ZNF449: variants seen among roughly 807,000 people sequenced by gnomAD.
The protein encoded by ZNF449 is zinc finger and SCAN domain-containing protein 19.
ZNF449 carries 4 observed loss-of-function variants against 32.6 expected under a neutral mutation model. The ratio of observed to expected loss-of-function variants is 0.12; its 90% CI spans 0.06 to 0.28. The LOEUF (loss-of-function observed/expected upper bound fraction) is 0.28. ZNF449 is among the 10% of genes least tolerant of loss of function. The pLI, the probability that ZNF449 is intolerant of heterozygous loss-of-function variation, is 1.00. For missense variants in ZNF449, 275 were observed against 383.2 expected, an observed-to-expected ratio of 0.72 and a Z score of 2.36; for synonymous variants, 123 against 132.2, an observed-to-expected ratio of 0.93 and a Z score of 0.48.
Position 135,360,582 on chromosome X carries a change from G to A in ZNF449, c.1063G>A (p.Glu355Lys). The change falls in exon 5 of 5, where the codon GAA becomes AAA. Residue 355 changes from glutamate to lysine, a missense_variant. By Grantham distance (56) the Glu-to-Lys change is moderately conservative. This residue lies in a region of ZNF449 where 80 missense variants were observed against 146.6 expected (regional missense o/e 0.55). Transcript: ENST00000339249. ...HSGEEPHKCP[E>K]CGKRFLRSSD... ...AGGAGAAGAACCTCACAAATGCCCT[G>A]AATGTGGGAAAAGATTCCTTCGTAG... 8.3e-7 allele frequency: 1 copy of A among 1,211,814 alleles called. No homozygotes were observed. The highest frequency in any genetic ancestry group is 1.1e-6 in the Non-Finnish European group (1 of 895,432).
Position 135,360,600 on chromosome X carries a change from C to G in ZNF449, c.1081C>G (p.Leu361Val). The change falls in exon 5 of 5, where the codon CTT (leucine) becomes GTT (valine). Residue 361 changes from leucine to valine, a missense_variant. Leu to Val is a conservative substitution (Grantham distance 32). Transcript: ENST00000339249. Reference protein sequence around the residue: ...HKCPECGKRFLRSSDLYRHQR... With the variant: ...HKCPECGKRFVRSSDLYRHQR... ...ATGCCCTGAATGTGGGAAAAGATTCCTTCGTAGTTCAGACCTTTATAGACA... is the reference window on the plus strand; with the variant it reads ...ATGCCCTGAATGTGGGAAAAGATTCGTTCGTAGTTCAGACCTTTATAGACA... The G allele has an allele frequency of 8.3e-7, 1 of 1,211,566 alleles. No homozygotes were observed. Among genetic ancestry groups the G allele is most frequent in the Non-Finnish European group, 1.1e-6 (1 of 895,363 alleles).
Position 135,361,386 on chromosome X carries a change from A to G in ZNF449, c.*310A>G, listed in dbSNP as rs58073587. ...AACATAAAGCATATAAATTATGACA[A>G]TCCTTTTAGAGGTAGGGTCAATATA... On this transcript the variant is annotated 3_prime_UTR_variant, in exon 5 of 5. Transcript: ENST00000339249. 1,325 of 187,933 alleles carry G rather than the reference A, an allele frequency of 7.1e-3. 11 individuals carry two copies. The highest frequency in any genetic ancestry group is 0.035 in the African/African-American group (1,179 of 33,365). 15.5% of individuals were successfully genotyped at this position (187,933 alleles called of 1,213,427 possible).
In ZNF449 at chrX:135,360,036, GA is replaced by G. The variant is rs782681513; in HGVS notation, c.673+40del. ...TAATTGTTCTTTGATATACTAGTGG[GA>G]AAAAAAAAGAAAAATTTAACCTAAA... On this transcript the variant is annotated intron_variant, in intron 4 of 4. Transcript: ENST00000339249. 74 of 1,061,141 alleles carry G rather than the reference GA, an allele frequency of 7.0e-5. No individual in the cohort carries two copies. The South Asian group carries it at 7.4e-4, about 11-fold the overall frequency. 87.4% of individuals were successfully genotyped at this position (1,061,141 alleles called of 1,213,427 possible). A position where few individuals can be genotyped will look rare whatever the true frequency, so the allele number is the denominator to read the frequency against.
At chrX:135,345,235 G>A (rs2084835232) in intron 1 of ZNF449, among the ~76,000 whole-genome samples, 1 of 112,931 alleles carries the variant, frequency 8.9e-6, no homozygotes, top group African/African-American at 3.2e-5. Flanking sequence ...CATGAGGGTG[G>A]ATTCCCTACG....
chrX:135,355,429 T>G (rs987680486), intron 3 of ZNF449, among the ~76,000 whole-genome samples: 2 of 110,563 alleles, frequency 1.8e-5, no homozygotes, highest in Non-Finnish European at 3.8e-5. Context: ...GTTATCCCAC[T>G]CCTGGGTTTA....
At chrX:135,354,456 G>A (rs1316862944) in intron 3 of ZNF449, among the ~76,000 whole-genome samples, 1 of 112,334 alleles carries the variant, frequency 8.9e-6, no homozygotes, top group Non-Finnish European at 1.9e-5. Flanking sequence ...GTGAAAATAA[G>A]GTTGAGAAAT....
chrX:135,348,941 T>C (rs1020313727), intron 2 of ZNF449, 169 bp from the exon 3 acceptor site: 16 of 906,582 alleles, frequency 1.8e-5, no homozygotes, highest in Non-Finnish European at 2.0e-5. Flanking sequence ...GAAATCCTGA[T>C]TGTTTGCACT....
chrX:135,359,496 C>A (rs2084933973), intron 3 of ZNF449, among the ~76,000 whole-genome samples: 1 of 111,705 alleles, frequency 9.0e-6, no homozygotes, highest in African/African-American at 3.3e-5. Flanking sequence ...AAACACTTTA[C>A]TACTTTCACC....
intron 2 of ZNF449, chrX:135,348,798 T>G: frequency 9.7e-7 from 1 of 1,032,018 alleles, no homozygotes; most frequent in Non-Finnish European, 1.3e-6. Context: ...GTACAGCTCT[T>G]GAGCCCTTGA....
At chrX:135,347,576 A>G (rs2084856318) in intron 2 of ZNF449, 104 bp downstream of exon 2, 4 of 1,170,965 alleles carry the variant, frequency 3.4e-6, no homozygotes, top group Non-Finnish European at 3.4e-6. Context: ...CAGCCTCAAG[A>G]TTTCTCCAGA....
intron 3 of ZNF449, among the ~76,000 whole-genome samples, chrX:135,357,973 T>C: frequency 8.9e-6 from 1 of 111,892 alleles, no homozygotes; most frequent in Admixed American, 9.5e-5. Context: ...TTAATTTCAT[T>C]TGTGATATGG....
intron 1 of ZNF449, 63 bp from the exon 2 acceptor site, chrX:135,346,956 G>A (rs1288081367): frequency 3.6e-5 from 14 of 393,838 alleles, no homozygotes; most frequent in African/African-American, 5.1e-5. Context: ...GAAGTTGACC[G>A]AGGTAAGTAA....
At chrX:135,355,748 G>A (rs1406672065) in intron 3 of ZNF449, among the ~76,000 whole-genome samples, 1 of 111,413 alleles carries the variant, frequency 9.0e-6, no homozygotes, top group Admixed American at 9.5e-5. Context: ...CCTTTGAAGT[G>A]TACAATTTAA....
At position 135,360,860 on chromosome X, in the gene ZNF449, G is replaced by C. The variant is rs368312163; in HGVS notation, c.1341G>C (p.Leu447=). The stretch of plus-strand genomic sequence containing the variant: ...ATTGTGGGAAAAGTTTTAGTCGACT[G>C]ACAGCTCTTACTTTGCACCAGAGAA... ...CHNCGKSFSR[L]TALTLHQRTH... is the part of the protein sequence containing the mutation. The change falls in exon 5 of 5, where the codon CTG becomes CTC. Residue 447 remains leucine (L), a synonymous_variant. Coordinates refer to ENST00000339249, the MANE Select transcript of ZNF449 (RefSeq NM_152695.6). 8.3e-7 allele frequency: 1 copy of C among 1,209,105 alleles called. No individual in the cohort carries two copies. Among genetic ancestry groups the C allele is most frequent in the Non-Finnish European group, 1.1e-6 (1 of 894,829 alleles).
chrX:135,349,461 T>C (rs782583703), intron 3 of ZNF449, 147 bp downstream of exon 3: 1 of 560,169 alleles, frequency 1.8e-6, no homozygotes, highest in African/African-American at 2.3e-5. Context: ...CTGGGAATAG[T>C]AGGGAACAAA....
Position 135,361,469 on chromosome X carries a change from G to C in ZNF449, c.*393G>C, listed in dbSNP as rs1398691718. 8.4e-6 allele frequency: 1 copy of C among 118,700 alleles called. No homozygotes were observed. Among genetic ancestry groups the C allele is most frequent in the Non-Finnish European group, 1.7e-5 (1 of 58,255 alleles). 9.8% of individuals were successfully genotyped at this position (118,700 alleles called of 1,213,427 possible). ...ATAGCAGTACTATAGTTATTCTGCT[G>C]TCATTATTAAAGATGATTATATTCA... On this transcript the variant is annotated 3_prime_UTR_variant, in exon 5 of 5. Transcript: ENST00000339249.
Position 135,350,662 on chromosome X carries a change from C to T in ZNF449, c.559+1348C>T, listed in dbSNP as rs138149802. Among the ~76,000 whole-genome samples, 222 of 112,000 alleles carry T rather than the reference C, an allele frequency of 2.0e-3. 1 individual carries two copies. The highest frequency in any genetic ancestry group is 6.9e-3 in the African/African-American group (213 of 30,805). On this transcript the variant is annotated intron_variant, in intron 3 of 4. Transcript: ENST00000339249. ...AGTAGCACACAAGGTTGGAAAGCAG[C>T]TCTGGTCATCTTGGAGATTACAGTT... is the stretch of plus-strand genomic sequence containing the variant.
chrX:135,349,372 C>G (rs2084870960), intron 3 of ZNF449, 58 bp downstream of exon 3: 1 of 1,121,938 alleles, frequency 8.9e-7, no homozygotes, highest in African/African-American at 1.8e-5. Flanking sequence ...CAGGAACTCT[C>G]AAGGGTTGGG....
intron 3 of ZNF449, among the ~76,000 whole-genome samples, chrX:135,350,003 A>ATTTTTTT (rs552605724): frequency 1.2e-5 from 1 of 81,797 alleles, no homozygotes; most frequent in Non-Finnish European, 2.5e-5. Context: ...GGGGTTTTCT[A>ATTTTTTT]TTTTTTTTTT....
Sources: gnomAD v4.1 joint callset for allele counts (sites outside exome capture counted in the v4.1 genomes callset) on GRCh38, gnomAD v4.1.1 for gene constraint, gnomAD v4.1.1 regional missense constraint, MANE v1.5 for transcripts, NCBI Gene and HGNC (gene_info 2026-07-23, HGNC 2026-07-21) for gene names.